Variants in SEMA6D observed in about 807,000 individuals in gnomAD.
SEMA6D encodes semaphorin 6D.
In SEMA6D, 35 loss-of-function variants were observed where a neutral mutation model predicts 106.6. The observed-to-expected ratio is 0.33, with a 90% CI of 0.25 to 0.44. SEMA6D has a LOEUF of 0.44. SEMA6D is among the 20% of genes least tolerant of loss of function. SEMA6D has a pLI of 1.00. For synonymous variants in SEMA6D, 499 were observed against 487.7 expected, an observed-to-expected ratio of 1.02 and a Z score of -0.31; for missense variants, 1,185 against 1,345.9, an observed-to-expected ratio of 0.88 and a Z score of 1.87.
rs758178406 is a variant in SEMA6D at position 47,761,076 on chromosome 15, T to G, written c.282+38T>G. 5 of 1,612,150 alleles carry G rather than the reference T, an allele frequency of 3.1e-6. No homozygotes were observed. In the Admixed American group the frequency reaches 8.3e-5, roughly 27 times the overall value. On this transcript the variant is annotated intron_variant, in intron 4 of 18. Coordinates refer to ENST00000536845, the MANE Select transcript of SEMA6D (RefSeq NM_001358351.3). ...AGTTGGCAAATTTATTTACCTTCCC[T>G]CTGAACCTGATTAATTTTCCCACTG...
At chr15:47,650,935 T>G (rs1195412414) in intron 4 of SEMA6D, among the ~76,000 whole-genome samples, 1 of 152,210 alleles carries the variant, frequency 6.6e-6, no homozygotes, top group African/African-American at 2.4e-5. Flanking sequence ...ATTAGACCAG[T>G]CAGTGTTTGC....
intron 1 of SEMA6D, among the ~76,000 whole-genome samples, chr15:47,363,559 C>G (rs1169600589): frequency 1.3e-5 from 2 of 152,106 alleles, no homozygotes; most frequent in Non-Finnish European, 2.9e-5. Context: ...CAAAACAAAA[C>G]ATGACCTAGA....
chr15:47,369,867 T>C (rs1467699945), intron 1 of SEMA6D, among the ~76,000 whole-genome samples: 1 of 152,220 alleles, frequency 6.6e-6, no homozygotes, highest in Admixed American at 6.5e-5. Flanking sequence ...TAGCTTGTAC[T>C]AATTGAATGC....
At chr15:47,737,976 G>C (rs958911817) in intron 1 of SEMA6D, among the ~76,000 whole-genome samples, 7 of 151,406 alleles carry the variant, frequency 4.6e-5, no homozygotes, top group African/African-American at 1.7e-4. Flanking sequence ...CCAGTGTAAA[G>C]TTGTGTCTCC....
At chr15:47,537,896 G>A (rs1254890211) in intron 3 of SEMA6D, among the ~76,000 whole-genome samples, 2 of 152,212 alleles carry the variant, frequency 1.3e-5, no homozygotes, top group African/African-American at 4.8e-5. Flanking sequence ...AATGTGTGGA[G>A]AGTTGACAAG....
At chr15:47,244,463 A>G (rs1193049029) in intron 1 of SEMA6D, among the ~76,000 whole-genome samples, 1 of 152,190 alleles carries the variant, frequency 6.6e-6, no homozygotes, top group Non-Finnish European at 1.5e-5. Flanking sequence ...TTATAAAGCA[A>G]CTTACAGATA....
intron 1 of SEMA6D, among the ~76,000 whole-genome samples, chr15:47,242,854 AC>A (rs1240392257): frequency 6.6e-6 from 1 of 152,146 alleles, no homozygotes; most frequent in African/African-American, 2.4e-5. Context: ...AGGTGAATGT[AC>A]TATGCATAGT....
In SEMA6D at chr15:47,369,202, C is replaced by G. The variant is rs970559617; in HGVS notation, c.-238-43191C>G. Among the ~76,000 whole-genome samples the G allele has an allele frequency of 2.0e-5, 3 of 152,148 alleles. No individual in the cohort carries two copies. In the South Asian group the frequency reaches 6.2e-4, roughly 32 times the overall value. ...CTAGAACTGGTGACATGGGACTGTT[C>G]TGTTTGTGAATATAAATTGAAAGAT... is the stretch of plus-strand genomic sequence containing the variant. On this transcript the variant is annotated intron_variant, in intron 1 of 19. Coordinates refer to the SEMA6D transcript ENST00000558014.
rs568830981 is a variant in SEMA6D at position 47,382,978 on chromosome 15, C to A, written c.-238-29415C>A. ...GACAGGTTTCACCATGTTGGCCAGG[C>A]TGGTCTCAAACCCCTAATCTCAGGT... On this transcript the variant is annotated intron_variant, in intron 1 of 19. Coordinates refer to the SEMA6D transcript ENST00000558014. 6.6e-5 allele frequency among the ~76,000 whole-genome samples: 10 copies of A among 152,336 alleles called. No individual in the cohort carries two copies. The East Asian group carries it at 1.9e-3, about 29-fold the overall frequency.
chr15:47,657,625 C>A (rs2077822586), intron 4 of SEMA6D, among the ~76,000 whole-genome samples: 1 of 146,128 alleles, frequency 6.8e-6, no homozygotes, highest in Non-Finnish European at 1.5e-5. Flanking sequence ...AACATGTATA[C>A]CTTTTTTAAT....
chr15:47,429,535 C>G (rs2041455940), intron 2 of SEMA6D, among the ~76,000 whole-genome samples: 1 of 152,060 alleles, frequency 6.6e-6, no homozygotes, highest in African/African-American at 2.4e-5. Flanking sequence ...TGTTATCACC[C>G]TATTGCATAT....
intron 1 of SEMA6D, among the ~76,000 whole-genome samples, chr15:47,235,705 T>TGTTATGTCAGTAACCAAACCATA: frequency 6.6e-6 from 1 of 152,178 alleles, no homozygotes; most frequent in Middle Eastern, 3.2e-3. Context: ...AGTACCATGC[T>TGTTATGTCAGTAACCAAACCATA]GTTTTGGTTA....
intron 1 of SEMA6D, among the ~76,000 whole-genome samples, chr15:47,195,942 G>GA (rs11432968): frequency 0.97 from 146,810 of 152,022 alleles, 71,113 homozygotes; most frequent in East Asian, 1. Flanking sequence ...AGAAAGCAAG[G>GA]CCCCCCAGGC....
Position 47,601,097 on chromosome 15 carries a change from TGAGA to T in SEMA6D, c.-55+218_-55+221del, listed in dbSNP as rs144757309. Among the ~76,000 whole-genome samples, 1,058 of 148,198 alleles carry T rather than the reference TGAGA, an allele frequency of 7.1e-3. 5 individuals carry two copies. Among genetic ancestry groups the T allele is most frequent in the Admixed American group, 0.019 (279 of 14,812 alleles). On this transcript the variant is annotated intron_variant, in intron 4 of 19. Transcript: ENST00000558014. ...TCTTAAGAGAAATAGAGAGAGAGAA[TGAGA>T]GAGAGAGAGAGAGAGAAAGAGAGAG...
chr15:47,452,250 T>G (rs1036813753), intron 2 of SEMA6D, among the ~76,000 whole-genome samples: 1 of 151,710 alleles, frequency 6.6e-6, no homozygotes, highest in African/African-American at 2.4e-5. Context: ...CTCTTCAGTG[T>G]CCATTCAGTC....
At chr15:47,503,874 G>A (rs1053573583) in intron 3 of SEMA6D, among the ~76,000 whole-genome samples, 3 of 152,250 alleles carry the variant, frequency 2.0e-5, no homozygotes, top group African/African-American at 4.8e-5. Context: ...CCAAAAGGCC[G>A]AGAGAGAGAC....
chr15:47,489,765 C>G lies in SEMA6D; in HGVS notation c.-87+19220C>G, dbSNP rs866298550. Among the ~76,000 whole-genome samples, 44 of 152,084 alleles carry G rather than the reference C, an allele frequency of 2.9e-4. 1 individual carries two copies. Among genetic ancestry groups the G allele is most frequent in the Admixed American group, 2.6e-4 (4 of 15,272 alleles). On this transcript the variant is annotated intron_variant, in intron 3 of 19. Coordinates refer to the SEMA6D transcript ENST00000558014. ...CTCCCAGGTTCAAGCGATTCTCCTG[C>G]CTCAGCCTCCCGAGTAGCTGGGATT...
chr15:47,650,385 C>T (rs2077663840), intron 4 of SEMA6D, among the ~76,000 whole-genome samples: 1 of 152,186 alleles, frequency 6.6e-6, no homozygotes, highest in South Asian at 2.1e-4. Context: ...TGTGGGAACT[C>T]ACAGCCAAAT....
chr15:47,452,621 GGTTT>G (rs1450216927), intron 2 of SEMA6D, among the ~76,000 whole-genome samples: 3 of 151,554 alleles, frequency 2.0e-5, no homozygotes, highest in African/African-American at 4.8e-5. Context: ...GATGTTTTTG[GGTTT>G]GTTTTATTTT....
Sources: gnomAD v4.1 joint callset for allele counts (sites outside exome capture counted in the v4.1 genomes callset) on GRCh38, gnomAD v4.1.1 for gene constraint, MANE v1.5 for transcripts, NCBI Gene and HGNC (gene_info 2026-07-23, HGNC 2026-07-21) for gene names.